The following RBFOX1 variants were observed in gnomAD, a reference collection of about 807,000 sequenced individuals.
RBFOX1 encodes the protein RNA binding protein fox-1 homolog 1.
RBFOX1 carries 8 observed loss-of-function variants against 57.7 expected under a neutral mutation model. That is an observed-to-expected ratio of 0.14 (90% CI 0.08 to 0.25). The LOEUF (loss-of-function observed/expected upper bound fraction) is 0.25, where lower values mean the gene tolerates loss of function less well. RBFOX1 is among the 10% of genes least tolerant of loss of function. RBFOX1 has a pLI of 1.00. For missense variants in RBFOX1, 611 were observed against 548.5 expected, an observed-to-expected ratio of 1.11 and a Z score of -1.14; for synonymous variants, 326 against 222.4, an observed-to-expected ratio of 1.47 and a Z score of -4.15.
At chr16:6,888,940 CACTT>C (rs1257430566) in intron 3 of RBFOX1, among the ~76,000 whole-genome samples, 2 of 152,162 alleles carry the variant, frequency 1.3e-5, no homozygotes, top group Admixed American at 6.5e-5. Flanking sequence ...AACCTTTAAT[CACTT>C]ACTTACTGTA....
intron 3 of RBFOX1, chr16:6,704,894 G>C (rs1353846742): frequency 6.6e-6 from 1 of 152,032 alleles, no homozygotes; most frequent in Admixed American, 6.6e-5. Flanking sequence ...TGCTCTTTTA[G>C]CTGTTTCTGG....
At chr16:6,928,647 G>A (rs1427998945) in intron 3 of RBFOX1, among the ~76,000 whole-genome samples, 1 of 152,150 alleles carries the variant, frequency 6.6e-6, no homozygotes, top group Non-Finnish European at 1.5e-5. Context: ...GCATTCATGT[G>A]GGATTCTTCA....
intron 10 of RBFOX1, among the ~76,000 whole-genome samples, chr16:7,617,730 G>T (rs764055771): frequency 6.6e-6 from 1 of 152,186 alleles, no homozygotes; most frequent in Non-Finnish European, 1.5e-5. Flanking sequence ...TACCAAAACA[G>T]ACCCAGGCTT....
intron 5 of RBFOX1, among the ~76,000 whole-genome samples, chr16:7,565,694 G>A (rs1486137059): frequency 2.0e-5 from 3 of 152,280 alleles, no homozygotes; most frequent in South Asian, 2.1e-4. Context: ...ATAATGCCTC[G>A]AAGACACTCA....
At chr16:6,811,304 A>G (rs958739508) in intron 3 of RBFOX1, among the ~76,000 whole-genome samples, 4 of 152,250 alleles carry the variant, frequency 2.6e-5, no homozygotes, top group African/African-American at 9.6e-5. Flanking sequence ...TCAACTTTGT[A>G]AAATAGAATT....
chr16:7,227,885 A>T (rs1293577539), intron 4 of RBFOX1, among the ~76,000 whole-genome samples: 5 of 152,194 alleles, frequency 3.3e-5, no homozygotes. Flanking sequence ...TAATGATATT[A>T]GCTCACGTGG....
At chr16:7,506,524 T>C (rs1423877745) in intron 4 of RBFOX1, among the ~76,000 whole-genome samples, 1 of 152,132 alleles carries the variant, frequency 6.6e-6, no homozygotes, top group Non-Finnish European at 1.5e-5. Context: ...CAAGAAAAGA[T>C]TTCTTTTCCT....
chr16:6,689,843 T>C (rs1306704245), intron 3 of RBFOX1, among the ~76,000 whole-genome samples: 1 of 152,202 alleles, frequency 6.6e-6, no homozygotes, highest in Non-Finnish European at 1.5e-5. Flanking sequence ...AAGCTTTGTC[T>C]CCTGCAAAGA....
chr16:6,421,191 T>G (rs1240317291), intron 2 of RBFOX1, among the ~76,000 whole-genome samples: 1 of 152,194 alleles, frequency 6.6e-6, no homozygotes, highest in East Asian at 1.9e-4. Flanking sequence ...CAGGCTACCC[T>G]GATGCGTTGG....
chr16:7,118,091 A>T (rs1478692), intron 4 of RBFOX1, among the ~76,000 whole-genome samples: 67,816 of 151,958 alleles, frequency 0.45, 15,531 homozygotes, highest in East Asian at 0.71. Flanking sequence ...TGGGTAGATA[A>T]CCAGTAGTGG....
At chr16:5,870,341 C>T (rs78074816) in intron 4 of RBFOX1, among the ~76,000 whole-genome samples, 10,914 of 136,404 alleles carry the variant, frequency 0.08, 502 homozygotes, top group African/African-American at 0.12. Context: ...ACAATGAAAA[C>T]GTGTGCATCT....
intron 3 of RBFOX1, among the ~76,000 whole-genome samples, chr16:5,856,997 C>G (rs2057088806): frequency 1.3e-5 from 2 of 152,092 alleles, no homozygotes; most frequent in Admixed American, 1.3e-4. Flanking sequence ...AGAGGCCTAG[C>G]TTTTGGCCTA....
chr16:6,561,315 A>C (rs1374449604), intron 2 of RBFOX1, among the ~76,000 whole-genome samples: 1 of 152,194 alleles, frequency 6.6e-6, no homozygotes, highest in Non-Finnish European at 1.5e-5. Context: ...TTCAGAATTA[A>C]TATGCATGCA....
intron 3 of RBFOX1, among the ~76,000 whole-genome samples, chr16:6,823,014 G>C (rs184014199): frequency 6.6e-6 from 1 of 152,092 alleles, no homozygotes; most frequent in Admixed American, 6.5e-5. Context: ...GCTTAGTACT[G>C]TATGTGCATT....
At chr16:5,598,974 A>T in exon 3 of RBFOX1, 1 of 1,522,716 alleles carries the variant, frequency 6.6e-7, no homozygotes, top group South Asian at 1.2e-5. Context: ...AAGTAGAAGC[A>T]TTTTGCTGAA....
In RBFOX1 at chr16:6,019,942, G is replaced by A; in HGVS notation, c.-177G>A. ...GGTGCAGAGAGCGCACGGGAATTCG[G>A]GGGTCTGGGGCCGAGAACGTGACCG... On this transcript the variant is annotated 5_prime_UTR_variant, in exon 1 of 16. Transcript: ENST00000550418. This position sits in a 1 kb window ranked among gnomAD's most constrained non-coding sequence, Gnocchi z 4.2. 6.5e-7 allele frequency: 1 copy of A among 1,534,426 alleles called. No individual in the cohort carries two copies. The highest frequency in any genetic ancestry group is 8.7e-7 in the Non-Finnish European group (1 of 1,146,136).
intron 2 of RBFOX1, among the ~76,000 whole-genome samples, chr16:5,558,198 GC>G (rs2045751943): frequency 1.3e-5 from 2 of 152,162 alleles, no homozygotes; most frequent in Non-Finnish European, 1.5e-5. Flanking sequence ...TGTCACACTA[GC>G]CCCCCTGCCC....
At position 6,944,534 on chromosome 16, in the gene RBFOX1, C is replaced by T. The variant is rs530063759; in HGVS notation, c.-15-107523C>T. Among the ~76,000 whole-genome samples, 8 of 152,208 alleles carry T rather than the reference C, an allele frequency of 5.3e-5. No individual in the cohort carries two copies. In the South Asian group the frequency reaches 6.2e-4, roughly 12 times the overall value. ...GAGTGATAGTAACCAGAAGTGGTCACGATCTGGTATATTTTGTAGACCTCT... is the reference window on the plus strand; with the variant it reads ...GAGTGATAGTAACCAGAAGTGGTCATGATCTGGTATATTTTGTAGACCTCT... On this transcript the variant is annotated intron_variant, in intron 3 of 15. Transcript: ENST00000550418.
intron 3 of RBFOX1, among the ~76,000 whole-genome samples, chr16:6,997,518 G>A (rs1240505437): frequency 6.6e-6 from 1 of 152,156 alleles, no homozygotes; most frequent in Non-Finnish European, 1.5e-5. Context: ...GTTGAAGTCT[G>A]AATTGCTTTC....
Sources: allele counts gnomAD v4.1 joint callset (sites outside exome capture counted in the v4.1 genomes callset), GRCh38; gene constraint gnomAD v4.1.1; non-coding constraint Gnocchi (gnomAD v3.1); transcripts MANE v1.5; gene names NCBI Gene and HGNC (gene_info 2026-07-23, HGNC 2026-07-21).